Variants in TENM3 observed in about 807,000 individuals in gnomAD.
TENM3 encodes the protein teneurin transmembrane protein 3, also known as teneurin-3.
A neutral mutation model predicts 255.1 loss-of-function variants in TENM3; 63 were observed. The ratio of observed to expected loss-of-function variants is 0.25; its 90% CI spans 0.20 to 0.30. TENM3 has a LOEUF of 0.30. Among genes scored for constraint, TENM3 ranks in the 10% least tolerant of loss-of-function variants. TENM3 has a pLI of 1.00. For synonymous variants in TENM3, 1,306 were observed against 1,322.3 expected, an observed-to-expected ratio of 0.99 and a Z score of 0.27; for missense variants, 2,929 against 3,461.1, an observed-to-expected ratio of 0.85 and a Z score of 3.86.
At chr4:182,518,942 C>CTAA (rs1738278071) in intron 3 of TENM3, among the ~76,000 whole-genome samples, 1 of 152,144 alleles carries the variant, frequency 6.6e-6, no homozygotes, top group African/African-American at 2.4e-5. Flanking sequence ...GTGTACGGGG[C>CTAA]ATATACTGGA....
intron 3 of TENM3, among the ~76,000 whole-genome samples, chr4:182,472,977 G>A (rs1299425544): frequency 1.3e-5 from 2 of 152,078 alleles, no homozygotes; most frequent in Non-Finnish European, 2.9e-5. Context: ...TGACTATTCA[G>A]TGTCCATTGA....
At chr4:181,926,484 GAAAATT>G in the TENM3 span, among the ~76,000 whole-genome samples, 1 of 152,120 alleles carries the variant, frequency 6.6e-6, no homozygotes, top group African/African-American at 2.4e-5. Context: ...GATCATTGAA[GAAAATT>G]GAGACTGGCA....
intron 4 of TENM3, among the ~76,000 whole-genome samples, chr4:182,602,717 C>T (rs544474174): frequency 1.5e-4 from 23 of 152,122 alleles, no homozygotes; most frequent in Non-Finnish European, 2.8e-4. Context: ...GTCATGTATA[C>T]GGATTTTTTT....
chr4:182,480,439 T>A (rs886514096), intron 3 of TENM3, among the ~76,000 whole-genome samples: 21 of 152,110 alleles, frequency 1.4e-4, no homozygotes, highest in Non-Finnish European at 2.8e-4. Flanking sequence ...TTTCTAATGA[T>A]GTTTTTCAAA....
At chr4:182,525,483 C>T (rs1739059865) in intron 3 of TENM3, among the ~76,000 whole-genome samples, 1 of 152,176 alleles carries the variant, frequency 6.6e-6, no homozygotes, top group Non-Finnish European at 1.5e-5. Context: ...ACTTCAAAGA[C>T]CAAACACTTT....
chr4:182,318,543 A>G (rs1580139663), intron 1 of TENM3, among the ~76,000 whole-genome samples: 2 of 152,330 alleles, frequency 1.3e-5, no homozygotes, highest in South Asian at 4.2e-4. Context: ...TTTAGTGTCC[A>G]TAAGGCAGGG....
At chr4:182,661,999 A>C (rs1028766950) in intron 6 of TENM3, among the ~76,000 whole-genome samples, 1 of 152,164 alleles carries the variant, frequency 6.6e-6, no homozygotes, top group African/African-American at 2.4e-5. Flanking sequence ...TAGTTTTCAA[A>C]CAGATACCAA....
At chr4:181,602,985 G>A in the TENM3 span, among the ~76,000 whole-genome samples, 1 of 152,154 alleles carries the variant, frequency 6.6e-6, no homozygotes, top group Non-Finnish European at 1.5e-5. Flanking sequence ...GCCTTCAACT[G>A]TGTTGCCTAA....
chr4:182,721,616 G>C (rs1759740923), intron 13 of TENM3, among the ~76,000 whole-genome samples: 1 of 152,092 alleles, frequency 6.6e-6, no homozygotes, highest in South Asian at 2.1e-4. Flanking sequence ...GATTTTTAGA[G>C]GTGAACTTGC....
At chr4:182,210,796 C>A (rs145942898) in intron 1 of TENM3, among the ~76,000 whole-genome samples, 1,865 of 152,288 alleles carry the variant, frequency 0.012, 28 homozygotes, top group African/African-American at 0.042. Flanking sequence ...CCCCACTCTT[C>A]CTGCTCCCAA....
the TENM3 span, among the ~76,000 whole-genome samples, chr4:181,485,540 C>A: frequency 0.43 from 65,081 of 151,784 alleles, 14,699 homozygotes; most frequent in African/African-American, 0.59. Flanking sequence ...AAACAGAATT[C>A]TTTGATGGCA....
At chr4:182,643,761 T>C (rs1382479037) in intron 5 of TENM3, among the ~76,000 whole-genome samples, 2 of 152,350 alleles carry the variant, frequency 1.3e-5, no homozygotes, top group African/African-American at 2.4e-5. Context: ...CTAATGAATC[T>C]TTCTCAGAAA....
At chr4:181,552,217 A>G in the TENM3 span, among the ~76,000 whole-genome samples, 2 of 152,218 alleles carry the variant, frequency 1.3e-5, no homozygotes, top group Non-Finnish European at 2.9e-5. Context: ...TGCTTATGAC[A>G]TAAATCATAC....
chr4:182,169,149 C>A, intron 1 of TENM3: 1 of 413,872 alleles, frequency 2.4e-6, no homozygotes, highest in South Asian at 1.8e-5. Context: ...TACATTTGAC[C>A]ACTATTAATC....
the TENM3 span, among the ~76,000 whole-genome samples, chr4:181,525,864 T>C: frequency 2.6e-5 from 4 of 152,154 alleles, no homozygotes; most frequent in African/African-American, 7.2e-5. Context: ...CACATCTCCC[T>C]GTGGGTAATT....
At chr4:182,728,827 C>A in intron 13 of TENM3, 138 bp from the exon 14 acceptor site, 1 of 658,358 alleles carries the variant, frequency 1.5e-6, no homozygotes, top group African/African-American at 1.8e-5. Flanking sequence ...AAAAAGTATG[C>A]CTCATAGAAA....
chr4:181,488,276 G>A, the TENM3 span, among the ~76,000 whole-genome samples: 2 of 152,190 alleles, frequency 1.3e-5, no homozygotes, highest in Admixed American at 1.3e-4. Context: ...TTCTATAGGT[G>A]GAAGAGATGG....
chr4:181,542,742 G>T, the TENM3 span, among the ~76,000 whole-genome samples: 3 of 152,128 alleles, frequency 2.0e-5, no homozygotes, highest in African/African-American at 4.8e-5. Flanking sequence ...ATTTAAGAGC[G>T]CATTCAAGGA....
At chr4:182,104,586 AC>A in the TENM3 span, among the ~76,000 whole-genome samples, 1 of 137,410 alleles carries the variant, frequency 7.3e-6, no homozygotes, top group African/African-American at 2.8e-5. Context: ...AACTTGGGTC[AC>A]TATAACTTCT....
Sources: allele counts gnomAD v4.1 joint callset (sites outside exome capture counted in the v4.1 genomes callset), GRCh38; gene constraint gnomAD v4.1.1; transcripts MANE v1.5; gene names NCBI Gene and HGNC (gene_info 2026-07-23, HGNC 2026-07-21).